Variants in SARS1 observed in about 807,000 individuals in gnomAD.
SARS1 encodes seryl-tRNA synthetase 1.
SARS1 carries 25 observed loss-of-function variants against 63.7 expected under a neutral mutation model. The observed-to-expected ratio is 0.39, with a 90% CI of 0.29 to 0.55. The LOEUF (loss-of-function observed/expected upper bound fraction) is 0.55. SARS1 is among the 20% of genes least tolerant of loss of function. SARS1 has a pLI of 0.62. For synonymous variants in SARS1, 231 were observed against 243.5 expected (o/e 0.95, Z 0.48); for missense variants, 417 against 649.7 (o/e 0.64, Z 3.89).
intron 1 of SARS1, among the ~76,000 whole-genome samples, chr1:109,223,230 A>G (rs1157611735): frequency 1.3e-5 from 2 of 152,242 alleles, no homozygotes; most frequent in African/African-American, 4.8e-5. Flanking sequence ...TGAGCATTAT[A>G]TCAAAGTAAA....
chr1:109,218,193 CAAAAAAAAAAAAAAA>C (rs35069915), intron 1 of SARS1, among the ~76,000 whole-genome samples: 1 of 39,766 alleles, frequency 2.5e-5, no homozygotes, highest in Non-Finnish European at 4.7e-5. Flanking sequence ...ACTCTGTCTC[CAAAAAAAAAAAAAAA>C]AAAAAAAAAT....
chr1:109,232,498 C>T (rs1655230042), intron 6 of SARS1, among the ~76,000 whole-genome samples: 1 of 152,222 alleles, frequency 6.6e-6, no homozygotes, highest in Non-Finnish European at 1.5e-5. Flanking sequence ...GGCTTATTTC[C>T]TCTCCAGACA....
intron 2 of SARS1, among the ~76,000 whole-genome samples, chr1:109,226,826 C>T (rs1397567815): frequency 6.7e-6 from 1 of 149,828 alleles, no homozygotes; most frequent in Admixed American, 6.7e-5. Flanking sequence ...CTAAAGTGAT[C>T]TGCCCACCTC....
At chr1:109,229,995 C>CCCGACACCCCAG (rs1655174262) in intron 4 of SARS1, among the ~76,000 whole-genome samples, 1 of 152,170 alleles carries the variant, frequency 6.6e-6, no homozygotes, top group Non-Finnish European at 1.5e-5. Context: ...GCCTTTGTTC[C>CCCGACACCCCAG]CCGACACCCC....
chr1:109,215,588 C>A (rs113828377), intron 1 of SARS1: 16 of 984,398 alleles, frequency 1.6e-5, no homozygotes, highest in African/African-American at 8.7e-5. Context: ...TTGTTAGAGG[C>A]GTGAATATTT....
chr1:109,224,103 T>C (rs1169136370), intron 2 of SARS1, 55 bp downstream of exon 2: 1 of 1,315,442 alleles, frequency 7.6e-7, no homozygotes, highest in Non-Finnish European at 1.1e-6. Context: ...ATATTTGATC[T>C]TGCTCTTAGC....
At chr1:109,226,703 C>CATATATATAT (rs1338758890) in intron 2 of SARS1, among the ~76,000 whole-genome samples, 2 of 65,048 alleles carry the variant, frequency 3.1e-5, no homozygotes, top group African/African-American at 1.2e-4. Flanking sequence ...TATATACACA[C>CATATATATAT]ACACACACAC....
chr1:109,214,129 G>A lies in SARS1; in HGVS notation c.136+1G>A. 6.2e-7 allele frequency: 1 copy of A among 1,613,542 alleles called. No homozygotes were observed. Among genetic ancestry groups the A allele is most frequent in the Non-Finnish European group, 8.5e-7 (1 of 1,179,682 alleles). ...AAGGCAGACAGCGAGTGGCGACGATGTAAGTACCGGGACGGGCGGGTTACC... is the reference window on the plus strand; with the variant it reads ...AAGGCAGACAGCGAGTGGCGACGATATAAGTACCGGGACGGGCGGGTTACC... On this transcript the variant is annotated splice_donor_variant, in intron 1 of 10. Transcript: ENST00000234677. LOFTEE classifies it high-confidence loss of function. The surrounding 1 kb of genome is among the most constrained non-coding windows in gnomAD (Gnocchi z 4.6).
chr1:109,228,512 C>A, intron 3 of SARS1, 80 bp downstream of exon 3: 1 of 904,644 alleles, frequency 1.1e-6, no homozygotes, highest in Non-Finnish European at 1.8e-6. Flanking sequence ...TGCTCTCACT[C>A]TGCTCCACAC....
Position 109,238,031 on chromosome 1 carries a change from C to T in SARS1, c.*143C>T. On this transcript the variant is annotated 3_prime_UTR_variant, in exon 11 of 11. Transcript: ENST00000234677. ...GCTGAGAGGGGAACAGTGCCATGTA[C>T]CACACAGATGTTCCTGTCTCCTCGC... 1 of 852,702 alleles carries T rather than the reference C, an allele frequency of 1.2e-6. No homozygotes were observed. The highest frequency in any genetic ancestry group is 1.8e-5 in the South Asian group (1 of 56,846). The allele number at this position is 852,702 out of a possible 1,614,324, so 52.8% of individuals were successfully genotyped here. A position where few individuals can be genotyped will look rare whatever the true frequency, so the allele number is the denominator to read the frequency against.
At chr1:109,228,961 C>T (rs543212668) in intron 3 of SARS1, among the ~76,000 whole-genome samples, 1 of 152,290 alleles carries the variant, frequency 6.6e-6, no homozygotes, top group African/African-American at 2.4e-5. Context: ...GTTTGAAACA[C>T]CTGCAATACA....
chr1:109,233,303 G>GA (rs1313273471), intron 6 of SARS1, among the ~76,000 whole-genome samples: 3 of 151,934 alleles, frequency 2.0e-5, no homozygotes, highest in Non-Finnish European at 4.4e-5. Context: ...GAGCCACTAT[G>GA]CCCAGCCCAA....
intron 2 of SARS1, among the ~76,000 whole-genome samples, chr1:109,225,383 G>A (rs1173734678): frequency 1.3e-5 from 2 of 152,052 alleles, no homozygotes; most frequent in African/African-American, 2.4e-5. Context: ...CTTTCTGTGG[G>A]ACTTAGTCAT....
In SARS1 at chr1:109,235,299, G is replaced by C; in HGVS notation, c.837G>C (p.Leu279=). The C allele has an allele frequency of 4.3e-6, 7 of 1,614,026 alleles. No homozygotes were observed. The highest frequency in any genetic ancestry group is 4.2e-6 in the Non-Finnish European group (5 of 1,180,004). ...IATSEQPIAA[L]HRDEWLRPED... ...CCTCAGAGCAGCCCATTGCTGCCCT[G>C]CACCGGGATGAGTGGCTCCGGCCGG... The change falls in exon 7 of 11, where the codon CTG becomes CTC. Residue 279 remains leucine (L), a synonymous_variant. Coordinates refer to ENST00000234677, the MANE Select transcript of SARS1 (RefSeq NM_006513.4). This position sits in a 1 kb window ranked among gnomAD's most constrained non-coding sequence, Gnocchi z 4.7.
intron 3 of SARS1, 107 bp from the exon 4 acceptor site, chr1:109,229,307 C>T: frequency 1.8e-6 from 2 of 1,133,606 alleles, no homozygotes; most frequent in South Asian, 1.6e-5. Flanking sequence ...AAAATGCTAC[C>T]ACAAGGGCTA....
In SARS1 at chr1:109,230,909, G is replaced by A. The variant is rs1041829700; in HGVS notation, c.479G>A (p.Gly160Asp). The A allele has an allele frequency of 6.2e-7, 1 of 1,605,782 alleles. No homozygotes were observed. The highest frequency in any genetic ancestry group is 1.7e-5 in the Admixed American group (1 of 59,398). Residue 160 changes from glycine to aspartate, a missense_variant, in exon 5 of 11, where the codon GGT (glycine) becomes GAT (aspartate). Coordinates refer to ENST00000234677, the MANE Select transcript of SARS1 (RefSeq NM_006513.4). ...DVDNKVERIW[G>D]DCTVRKKYSH... ...GACAACAAAGTAGAGAGGATTTGGG[G>A]TGATTGTACAGTCAGGAAGAAGTAC...
intron 1 of SARS1, chr1:109,215,588 C>T (rs113828377): frequency 2.7e-5 from 27 of 984,398 alleles, no homozygotes; most frequent in Middle Eastern, 1.0e-3. Flanking sequence ...TTGTTAGAGG[C>T]GTGAATATTT....
chr1:109,231,794 G>A lies in SARS1; in HGVS notation c.747+8G>A, dbSNP rs888709511. ...GATGAAGAACTTTATAAGGTGAGTA[G>A]CCTGGGTCAGGTGACAGAATGACTT... On this transcript the variant is annotated splice_region_variant and intron_variant, in intron 6 of 10. Coordinates refer to ENST00000234677, the MANE Select transcript of SARS1 (RefSeq NM_006513.4). 1.3e-6 allele frequency: 2 copies of A among 1,515,328 alleles called. No homozygotes were observed. The highest frequency in any genetic ancestry group is 1.4e-5 in the African/African-American group (1 of 70,468). The allele number at this position is 1,515,328 out of a possible 1,614,324, so 93.9% of individuals were successfully genotyped here.
Position 109,223,987 on chromosome 1 carries a change from G to A in SARS1, c.146G>A (p.Arg49Gln), listed in dbSNP as rs769994581. Reference protein sequence around the residue: ...ADSEWRRCRFRADNLNKLKNL... With the variant: ...ADSEWRRCRFQADNLNKLKNL... ...GATTCTTTATTCCTAGGTAGATTTC[G>A]GGCAGACAACTTGAACAAGCTGAAG... Residue 49 changes from arginine (R) to glutamine (Q), a missense_variant, in exon 2 of 11, where the codon CGG becomes CAG. By Grantham distance (43) the Arg-to-Gln change is conservative. This residue lies in a region of SARS1 where 359 missense variants were observed against 529.6 expected (regional missense o/e 0.68). Transcript: ENST00000234677. The A allele has an allele frequency of 8.1e-6, 13 of 1,612,120 alleles. No individual in the cohort carries two copies. Among genetic ancestry groups the A allele is most frequent in the South Asian group, 4.4e-5 (4 of 91,042 alleles).
Sources: allele counts gnomAD v4.1 joint callset (sites outside exome capture counted in the v4.1 genomes callset), GRCh38; gene constraint gnomAD v4.1.1; regional missense constraint gnomAD v4.1.1; non-coding constraint Gnocchi (gnomAD v3.1); transcripts MANE v1.5; gene names NCBI Gene and HGNC (gene_info 2026-07-23, HGNC 2026-07-21).